Variants in UMAD1 observed in about 807,000 individuals in gnomAD.
UMAD1 encodes UBAP1-MVB12-associated (UMA) domain containing 1.
In UMAD1, 8 loss-of-function variants were observed where a neutral mutation model predicts 6.1. The ratio of observed to expected loss-of-function variants is 1.30; its 90% CI spans 0.76 to 2.35. The LOEUF is 2.35. Among genes scored for constraint, UMAD1 ranks in the 30% most tolerant of loss-of-function variants. UMAD1 has a pLI of 0.00. For synonymous variants in UMAD1, 56 were observed against 31.4 expected (o/e 1.78, Z -2.61); for missense variants, 130 against 78.4 (o/e 1.66, Z -2.49).
At chr7:7,820,165 A>G (rs867631401) in intron 3 of UMAD1, among the ~76,000 whole-genome samples, 4 of 104,238 alleles carry the variant, frequency 3.8e-5, no homozygotes, top group Admixed American at 1.0e-4. Context: ...TTAAGGAGTT[A>G]CTAATACAGA....
intron 2 of UMAD1, among the ~76,000 whole-genome samples, chr7:7,724,809 G>A (rs62432609): frequency 0.063 from 9,645 of 152,248 alleles, 397 homozygotes; most frequent in East Asian, 0.11. Context: ...CTCCATTCCT[G>A]TCCATAAGGT....
chr7:7,648,258 A>G (rs1163062244), intron 1 of UMAD1, among the ~76,000 whole-genome samples: 1 of 152,240 alleles, frequency 6.6e-6, no homozygotes, highest in Non-Finnish European at 1.5e-5. Context: ...TTGACAGATC[A>G]TGAGTGATTT....
At chr7:7,679,733 C>G (rs868094006) in intron 2 of UMAD1, among the ~76,000 whole-genome samples, 1 of 139,574 alleles carries the variant, frequency 7.2e-6, no homozygotes. Flanking sequence ...TATATATATA[C>G]ACACACACAT....
intron 2 of UMAD1, among the ~76,000 whole-genome samples, chr7:7,739,562 A>C (rs899441829): frequency 6.6e-6 from 1 of 152,140 alleles, no homozygotes; most frequent in African/African-American, 2.4e-5. Flanking sequence ...CTTAAAATAG[A>C]TTTTTCAAGA....
intron 2 of UMAD1, among the ~76,000 whole-genome samples, chr7:7,694,421 A>G (rs28914171): frequency 7.3e-4 from 111 of 152,172 alleles, no homozygotes; most frequent in Non-Finnish European, 9.4e-4. Context: ...ATGTATAACA[A>G]ATTATTGCAG....
At chr7:7,709,284 T>C (rs1327379906) in intron 2 of UMAD1, among the ~76,000 whole-genome samples, 1 of 152,246 alleles carries the variant, frequency 6.6e-6, no homozygotes, top group African/African-American at 2.4e-5. Flanking sequence ...GATTCTAGAC[T>C]ATATTCTTTG....
chr7:7,775,885 CA>C (rs568235296), intron 2 of UMAD1, among the ~76,000 whole-genome samples: 3 of 152,036 alleles, frequency 2.0e-5, no homozygotes, highest in Non-Finnish European at 2.9e-5. Context: ...TAATGGATAG[CA>C]AAGTGGTTGC....
intron 2 of UMAD1, among the ~76,000 whole-genome samples, chr7:7,792,539 A>C (rs796971472): frequency 3.9e-5 from 6 of 152,368 alleles, no homozygotes; most frequent in African/African-American, 1.4e-4. Flanking sequence ...AATGGGAAGC[A>C]CCATGATATT....
intron 2 of UMAD1, among the ~76,000 whole-genome samples, chr7:7,720,665 TAGA>T (rs1484357848): frequency 1.3e-5 from 2 of 152,222 alleles, no homozygotes; most frequent in African/African-American, 4.8e-5. Flanking sequence ...AGTGATTTTG[TAGA>T]AGAAGCCAAT....
At chr7:7,856,468 G>A (rs1784020653) in intron 3 of UMAD1, among the ~76,000 whole-genome samples, 1 of 152,088 alleles carries the variant, frequency 6.6e-6, no homozygotes, top group Non-Finnish European at 1.5e-5. Context: ...AACAGCATGG[G>A]GAAAACCACC....
intron 2 of UMAD1, among the ~76,000 whole-genome samples, chr7:7,756,373 C>G (rs1563181576): frequency 6.6e-6 from 1 of 152,242 alleles, no homozygotes; most frequent in East Asian, 1.9e-4. Flanking sequence ...AAGAAAGTGA[C>G]AGAAAATCTA....
chr7:7,853,087 C>T (rs947612892), intron 3 of UMAD1, among the ~76,000 whole-genome samples: 1 of 152,170 alleles, frequency 6.6e-6, no homozygotes, highest in South Asian at 2.1e-4. Flanking sequence ...CATTATATAA[C>T]AAATGCTGTG....
At chr7:7,812,828 T>C (rs1209338673) in intron 3 of UMAD1, among the ~76,000 whole-genome samples, 1 of 152,032 alleles carries the variant, frequency 6.6e-6, no homozygotes, top group Non-Finnish European at 1.5e-5. Context: ...AATTCTGTTT[T>C]TTAATTAGTG....
chr7:7,653,216 T>C (rs1276934383), intron 1 of UMAD1, among the ~76,000 whole-genome samples: 1 of 152,238 alleles, frequency 6.6e-6, no homozygotes, highest in Non-Finnish European at 1.5e-5. Flanking sequence ...TAGTGTTATT[T>C]ACACTCAAAT....
intron 3 of UMAD1, among the ~76,000 whole-genome samples, chr7:7,876,011 G>A (rs917289281): frequency 2.6e-5 from 4 of 152,176 alleles, no homozygotes; most frequent in Non-Finnish European, 4.4e-5. Flanking sequence ...CCAGGATCAC[G>A]CACTGCGCCC....
chr7:7,819,880 G>A (rs1313880933), intron 3 of UMAD1, among the ~76,000 whole-genome samples: 1 of 152,170 alleles, frequency 6.6e-6, no homozygotes, highest in African/African-American at 2.4e-5. Context: ...TATTTTGGAT[G>A]AGGCTCTGTT....
chr7:7,826,697 C>G (rs57234850), intron 3 of UMAD1, among the ~76,000 whole-genome samples: 178 of 152,240 alleles, frequency 1.2e-3, no homozygotes, highest in African/African-American at 4.2e-3. Flanking sequence ...AACCCACCCC[C>G]CTTTAAGTAA....
intron 2 of UMAD1, among the ~76,000 whole-genome samples, chr7:7,780,398 T>G (rs1373244748): frequency 1.3e-5 from 2 of 152,258 alleles, no homozygotes; most frequent in Non-Finnish European, 2.9e-5. Flanking sequence ...ACTGGAACTG[T>G]ATTTTATGCA....
chr7:7,820,352 T>G (rs1783219127), intron 3 of UMAD1, among the ~76,000 whole-genome samples: 1 of 152,246 alleles, frequency 6.6e-6, no homozygotes, highest in Non-Finnish European at 1.5e-5. Context: ...TTTTAGGTAT[T>G]GATTATAGCA....
Sources: allele counts gnomAD v4.1 joint callset (sites outside exome capture counted in the v4.1 genomes callset), GRCh38; gene constraint gnomAD v4.1.1; transcripts MANE v1.5; gene names NCBI Gene and HGNC (gene_info 2026-07-23, HGNC 2026-07-21).